SMC1A: variants seen among roughly 807,000 people sequenced by gnomAD.
The protein encoded by SMC1A is structural maintenance of chromosomes protein 1A.
SMC1A carries 4 observed loss-of-function variants against 94.5 expected under a neutral mutation model. The observed-to-expected ratio is 0.04, with a 90% CI of 0.02 to 0.10. The LOEUF (loss-of-function observed/expected upper bound fraction) is 0.10, where lower values mean the gene tolerates loss of function less well. SMC1A is among the 10% of genes least tolerant of loss of function. The pLI is 1.00. For synonymous variants in SMC1A, 345 were observed against 347.7 expected (o/e 0.99, Z 0.09); for missense variants, 304 against 989.0 (o/e 0.31, Z 9.29).
intron 13 of SMC1A, 128 bp downstream of exon 13, chrX:53,404,884 T>C (rs782256073): frequency 1.3e-6 from 1 of 769,527 alleles, no homozygotes; most frequent in African/African-American, 2.1e-5. Flanking sequence ...GACTCTATGC[T>C]ATACCTGACT....
chrX:53,390,973 C>CAA (rs782771730), intron 19 of SMC1A, among the ~76,000 whole-genome samples: 15 of 34,316 alleles, frequency 4.4e-4, no homozygotes, highest in East Asian at 2.6e-3. Context: ...GACTCCGTCT[C>CAA]AAAAAAAAAA....
intron 19 of SMC1A, among the ~76,000 whole-genome samples, chrX:53,390,177 A>G (rs1467697843): frequency 2.0e-5 from 2 of 97,653 alleles, no homozygotes; most frequent in Non-Finnish European, 4.1e-5. Flanking sequence ...AGGGATAGGG[A>G]GGGATAATAA....
chrX:53,395,978 C>T (rs1325731585), intron 18 of SMC1A, among the ~76,000 whole-genome samples: 1 of 111,383 alleles, frequency 9.0e-6, no homozygotes, highest in Non-Finnish European at 1.9e-5. Context: ...AACTCTCTCA[C>T]CACCCACTCA....
intron 15 of SMC1A, among the ~76,000 whole-genome samples, chrX:53,400,368 G>A (rs1440424711): frequency 9.0e-6 from 1 of 111,499 alleles, no homozygotes; most frequent in Non-Finnish European, 1.9e-5. Flanking sequence ...CAGGCAAGTT[G>A]GTTATACTCT....
chrX:53,385,331 C>T (rs915451097), intron 19 of SMC1A, among the ~76,000 whole-genome samples: 5 of 99,819 alleles, frequency 5.0e-5, no homozygotes, highest in Non-Finnish European at 8.0e-5. Flanking sequence ...AGTGCAGTGG[C>T]GCGCTCTAGG....
At chrX:53,402,889 C>G in intron 15 of SMC1A, among the ~76,000 whole-genome samples, 1 of 13,417 alleles carries the variant, frequency 7.5e-5, no homozygotes. Context: ...AAAAAAAGGG[C>G]CGGCAATATG....
At chrX:53,408,046 T>A (rs1364381734) in intron 9 of SMC1A, among the ~76,000 whole-genome samples, 3 of 111,749 alleles carry the variant, frequency 2.7e-5, no homozygotes, top group Non-Finnish European at 5.6e-5. Context: ...AAAATAAATC[T>A]GGCTGGGCGT....
chrX:53,384,572 A>C (rs2075597505), intron 19 of SMC1A, among the ~76,000 whole-genome samples: 1 of 110,940 alleles, frequency 9.0e-6, no homozygotes, highest in Non-Finnish European at 1.9e-5. Flanking sequence ...CCAGGAACAG[A>C]CTTCTATGCA....
At chrX:53,418,197 G>A (rs2075739564) in intron 1 of SMC1A, among the ~76,000 whole-genome samples, 1 of 112,268 alleles carries the variant, frequency 8.9e-6, no homozygotes, top group Non-Finnish European at 1.9e-5. Context: ...ATGGAGTCTC[G>A]CTCTATCGCC....
At position 53,382,133 on chromosome X, in the gene SMC1A, A is replaced by G. The variant is rs2075585632; in HGVS notation, c.3437+99T>C. Reference sequence around the variant, plus strand: ...AGGGATGCAATCCAGATTCCACCAAACCATCACCTTCGCAGATCTCTGTGT... The same window carrying G: ...AGGGATGCAATCCAGATTCCACCAAGCCATCACCTTCGCAGATCTCTGTGT... On this transcript the variant is annotated intron_variant, in intron 22 of 24. Transcript: ENST00000322213. 4 of 1,001,311 alleles carry G rather than the reference A, an allele frequency of 4.0e-6. No individual in the cohort carries two copies. In the Admixed American group the frequency reaches 8.9e-5, roughly 22 times the overall value. The allele number at this position is 1,001,311 out of a possible 1,213,427, so 82.5% of individuals were successfully genotyped here. A position where few individuals can be genotyped will look rare whatever the true frequency, so the allele number is the denominator to read the frequency against.
At chrX:53,410,249 C>A (rs1859225250) in intron 7 of SMC1A, among the ~76,000 whole-genome samples, 1 of 111,763 alleles carries the variant, frequency 8.9e-6, no homozygotes, top group Non-Finnish European at 1.9e-5. Context: ...AATCCCAACA[C>A]TTTGGGAGGC....
chrX:53,400,698 GA>G (rs782650312), intron 15 of SMC1A, among the ~76,000 whole-genome samples: 4 of 111,303 alleles, frequency 3.6e-5, no homozygotes, highest in African/African-American at 1.3e-4. Flanking sequence ...CATCTCTTCA[GA>G]AACTCAAGAG....
intron 1 of SMC1A, among the ~76,000 whole-genome samples, chrX:53,419,815 C>T (rs782514913): frequency 1.1e-4 from 11 of 99,373 alleles, no homozygotes; most frequent in African/African-American, 4.3e-4. Flanking sequence ...CAGAGAAAGA[C>T]TTCATCTCAA....
At chrX:53,397,919 C>A (rs1252223457) in intron 16 of SMC1A, among the ~76,000 whole-genome samples, 1 of 111,273 alleles carries the variant, frequency 9.0e-6, no homozygotes, top group Non-Finnish European at 1.9e-5. Context: ...GGCGTGGTGG[C>A]TCACACCTGT....
At position 53,377,624 on chromosome X, in the gene SMC1A, G is replaced by A. The variant is rs1379173213; in HGVS notation, c.*2479C>T. On this transcript the variant is annotated 3_prime_UTR_variant, in exon 25 of 25. Coordinates refer to ENST00000322213, the MANE Select transcript of SMC1A (RefSeq NM_006306.4). ...GAGAAAGCACTTGAATGACTTGGAA[G>A]ACCTGGGTTCAAACCTTTTTGGGCC... The A allele has an allele frequency of 8.9e-6, 1 of 112,121 alleles. No individual in the cohort carries two copies. The highest frequency in any genetic ancestry group is 2.8e-4 in the East Asian group (1 of 3,609). 9.2% of individuals were successfully genotyped at this position (112,121 alleles called of 1,213,427 possible).
At chrX:53,406,588 G>A (rs1207990786) in intron 9 of SMC1A, among the ~76,000 whole-genome samples, 1 of 111,816 alleles carries the variant, frequency 8.9e-6, no homozygotes, top group Non-Finnish European at 1.9e-5. Flanking sequence ...TTGAATAGAA[G>A]CCTGCAAACC....
At chrX:53,390,139 C>T (rs1300239808) in intron 19 of SMC1A, among the ~76,000 whole-genome samples, 6 of 104,053 alleles carry the variant, frequency 5.8e-5, no homozygotes, top group African/African-American at 1.7e-4. Context: ...CCACCGCACC[C>T]GGCCCAGAAT....
At chrX:53,422,006 G>A (rs782112393) in intron 1 of SMC1A, 1 of 1,210,200 alleles carries the variant, frequency 8.3e-7, no homozygotes, top group Admixed American at 2.2e-5. Flanking sequence ...AAAGGAGTTG[G>A]AGTGTACCAA....
At chrX:53,397,233 T>C (rs1476454582) in intron 16 of SMC1A, among the ~76,000 whole-genome samples, 2 of 111,849 alleles carry the variant, frequency 1.8e-5, no homozygotes, top group African/African-American at 3.2e-5. Flanking sequence ...TAGCCTTATG[T>C]ATAATGTTCT....
Sources: allele counts gnomAD v4.1 joint callset (sites outside exome capture counted in the v4.1 genomes callset), GRCh38; gene constraint gnomAD v4.1.1; transcripts MANE v1.5; gene names NCBI Gene and HGNC (gene_info 2026-07-23, HGNC 2026-07-21).